Variants in ILRUN observed in about 807,000 individuals in gnomAD.
ILRUN encodes the protein inflammation and lipid regulator with UBA-like and NBR1-like domains, also known as protein ILRUN.
ILRUN carries 3 observed loss-of-function variants against 33.8 expected under a neutral mutation model. The observed-to-expected ratio is 0.09, with a 90% confidence interval of 0.04 to 0.23. The LOEUF (loss-of-function observed/expected upper bound fraction) is 0.23. Ranked by LOEUF, ILRUN falls within the 10% of genes least tolerant of loss-of-function variation. The pLI is 1.00. For missense variants in ILRUN, 210 were observed against 375.1 expected (o/e 0.56, Z 3.64); for synonymous variants, 124 against 138.9 (o/e 0.89, Z 0.75).
intron 3 of ILRUN, among the ~76,000 whole-genome samples, chr6:34,642,410 A>G (rs1161267862): frequency 6.6e-6 from 1 of 152,194 alleles, no homozygotes; most frequent in Non-Finnish European, 1.5e-5. Context: ...AAACTGTTAA[A>G]CCCAGATTAG....
intron 1 of ILRUN, among the ~76,000 whole-genome samples, chr6:34,683,455 T>TATAC (rs1763430747): frequency 4.4e-5 from 5 of 113,052 alleles, no homozygotes; most frequent in African/African-American, 9.0e-5. Flanking sequence ...TATATATACA[T>TATAC]ATATATACAT....
At chr6:34,599,076 G>T (rs1467794636) in intron 4 of ILRUN, among the ~76,000 whole-genome samples, 1 of 152,220 alleles carries the variant, frequency 6.6e-6, no homozygotes, top group Non-Finnish European at 1.5e-5. Flanking sequence ...TACCTTCAGA[G>T]AATAGCCAAC....
In ILRUN at chr6:34,588,720, A is replaced by T. The variant is rs1761240241; in HGVS notation, c.*1845T>A. 1 of 153,572 alleles carries T rather than the reference A, an allele frequency of 6.5e-6. No homozygotes were observed. 9.5% of individuals were successfully genotyped at this position (153,572 alleles called of 1,614,324 possible). A position where few individuals can be genotyped will look rare whatever the true frequency, so the allele number is the denominator to read the frequency against. On this transcript the variant is annotated 3_prime_UTR_variant, in exon 5 of 5. Transcript: ENST00000374023. ...ACCCAGCTGCACCACGCTTCTCAGC[A>T]GGCTGGCTCCAGCCACCCCCAGGGC...
At chr6:34,658,662 C>G (rs1364854364) in intron 1 of ILRUN, among the ~76,000 whole-genome samples, 1 of 151,838 alleles carries the variant, frequency 6.6e-6, no homozygotes, top group African/African-American at 2.4e-5. Context: ...CAAAACTTAG[C>G]TGGGCATGGT....
At chr6:34,649,686 AAATAGC>A (rs751157374) in intron 2 of ILRUN, among the ~76,000 whole-genome samples, 10 of 152,352 alleles carry the variant, frequency 6.6e-5, no homozygotes, top group South Asian at 2.1e-4. Context: ...AGGAATATCC[AAATAGC>A]AATACAGAAG....
intron 3 of ILRUN, among the ~76,000 whole-genome samples, chr6:34,622,928 G>A (rs1031579336): frequency 1.3e-5 from 2 of 152,144 alleles, no homozygotes; most frequent in African/African-American, 4.8e-5. Flanking sequence ...TTAAAAGGAA[G>A]GAAATTCTGA....
chr6:34,608,116 G>A lies in ILRUN; in HGVS notation c.512-1212C>T, dbSNP rs553933231. On this transcript the variant is annotated intron_variant, in intron 3 of 4. Transcript: ENST00000374023. ...TTAAAAAAAAAAAAAAATTACAGCC[G>A]TGGGTGGTGGCTCATGCCTGTAATC... Among the ~76,000 whole-genome samples the A allele has an allele frequency of 3.5e-4, 53 of 151,996 alleles. 1 individual carries two copies. The highest frequency in any genetic ancestry group is 2.1e-3 in the Admixed American group (32 of 15,258).
At chr6:34,674,519 G>T (rs1289791053) in intron 1 of ILRUN, among the ~76,000 whole-genome samples, 1 of 152,014 alleles carries the variant, frequency 6.6e-6, no homozygotes, top group Non-Finnish European at 1.5e-5. Context: ...AAAGTCAACA[G>T]ATAATGATTA....
At chr6:34,596,705 T>C (rs922454870) in intron 4 of ILRUN, among the ~76,000 whole-genome samples, 1 of 152,118 alleles carries the variant, frequency 6.6e-6, no homozygotes, top group Admixed American at 6.5e-5. Context: ...AGCCAAAGAA[T>C]AGGAAAAAAC....
intron 3 of ILRUN, among the ~76,000 whole-genome samples, chr6:34,616,290 C>T (rs1761890645): frequency 6.6e-6 from 1 of 152,144 alleles, no homozygotes; most frequent in South Asian, 2.1e-4. Flanking sequence ...GGTTCAAATC[C>T]TTTAGGAAGA....
intron 1 of ILRUN, among the ~76,000 whole-genome samples, chr6:34,664,509 T>C (rs1762956014): frequency 6.6e-6 from 1 of 152,188 alleles, no homozygotes; most frequent in African/African-American, 2.4e-5. Context: ...ATTTCCTTCA[T>C]AATAACTCTG....
chr6:34,674,339 T>C (rs1763183837), intron 1 of ILRUN, among the ~76,000 whole-genome samples: 1 of 152,232 alleles, frequency 6.6e-6, no homozygotes, highest in Non-Finnish European at 1.5e-5. Context: ...CAAATCTTTA[T>C]ACTATCGATT....
intron 1 of ILRUN, among the ~76,000 whole-genome samples, chr6:34,665,022 G>A (rs1762963866): frequency 6.6e-6 from 1 of 152,078 alleles, no homozygotes; most frequent in Non-Finnish European, 1.5e-5. Context: ...AGGCTGGAGA[G>A]TGCAGTGGCA....
At chr6:34,636,633 G>T (rs1254345577) in intron 3 of ILRUN, among the ~76,000 whole-genome samples, 1 of 151,904 alleles carries the variant, frequency 6.6e-6, no homozygotes, top group Non-Finnish European at 1.5e-5. Flanking sequence ...AATAATTAAG[G>T]AATATAAACT....
At chr6:34,613,201 G>A (rs1434475907) in intron 3 of ILRUN, among the ~76,000 whole-genome samples, 5 of 148,920 alleles carry the variant, frequency 3.4e-5, no homozygotes, top group Non-Finnish European at 5.9e-5. Context: ...GTGACAGAGT[G>A]AGACCCTGTC....
intron 3 of ILRUN, among the ~76,000 whole-genome samples, chr6:34,613,648 G>A (rs1761806275): frequency 6.6e-6 from 1 of 152,176 alleles, no homozygotes; most frequent in East Asian, 1.9e-4. Context: ...AGAAAGGAAG[G>A]CATTCTAAAA....
At chr6:34,677,905 C>T (rs1354481295) in intron 1 of ILRUN, among the ~76,000 whole-genome samples, 1 of 142,224 alleles carries the variant, frequency 7.0e-6, no homozygotes, top group Non-Finnish European at 1.5e-5. Context: ...GCTGTGATCA[C>T]ACCACTGCAC....
intron 3 of ILRUN, chr6:34,616,967 GA>G (rs1359923115): frequency 1.8e-6 from 1 of 558,910 alleles, no homozygotes; most frequent in Non-Finnish European, 3.5e-6. Flanking sequence ...GTCAGTAAAT[GA>G]ACTAATCTAC....
intron 1 of ILRUN, among the ~76,000 whole-genome samples, chr6:34,683,022 G>C (rs1270955905): frequency 6.6e-6 from 1 of 151,650 alleles, no homozygotes; most frequent in Non-Finnish European, 1.5e-5. Flanking sequence ...CCAGCTATTT[G>C]GGAGGTTGAG....
Sources: gnomAD v4.1 joint callset for allele counts (sites outside exome capture counted in the v4.1 genomes callset) on GRCh38, gnomAD v4.1.1 for gene constraint, MANE v1.5 for transcripts, NCBI Gene and HGNC (gene_info 2026-07-23, HGNC 2026-07-21) for gene names.